The following TERB1 variants were observed in gnomAD, a reference collection of about 807,000 sequenced individuals.
TERB1 encodes telomere repeat binding bouquet formation protein 1.
Under a neutral mutation model 92.3 loss-of-function variants are expected in TERB1, and 63 were observed. The observed-to-expected ratio is 0.68, with a 90% CI of 0.56 to 0.84. The LOEUF is 0.84. TERB1 is among the 40% of genes least tolerant of loss of function. The pLI is 0.00. For missense variants in TERB1, 709 were observed against 843.7 expected, an observed-to-expected ratio of 0.84 and a Z score of 1.98; for synonymous variants, 252 against 283.9, an observed-to-expected ratio of 0.89 and a Z score of 1.13.
chr16:66,776,992 G>C (rs1373934536), intron 11 of TERB1, among the ~76,000 whole-genome samples: 1 of 151,966 alleles, frequency 6.6e-6, no homozygotes, highest in African/African-American at 2.4e-5. Context: ...GATCAAGAGG[G>C]GTAAACAGAA....
chr16:66,793,517 C>T (rs2018872943), intron 3 of TERB1, among the ~76,000 whole-genome samples: 1 of 151,320 alleles, frequency 6.6e-6, no homozygotes, highest in African/African-American at 2.4e-5. Context: ...TGCACCCGGA[C>T]TGGTTTTTTT....
intron 5 of TERB1, among the ~76,000 whole-genome samples, chr16:66,788,833 TTCATCCA>T: frequency 6.6e-6 from 1 of 151,892 alleles, no homozygotes; most frequent in Non-Finnish European, 1.5e-5. Context: ...CAATCAACGT[TTCATCCA>T]GTTCCTAGAA....
intron 16 of TERB1, among the ~76,000 whole-genome samples, chr16:66,765,174 A>C (rs1051769942): frequency 3.3e-5 from 5 of 152,210 alleles, no homozygotes; most frequent in Non-Finnish European, 7.3e-5. Context: ...AATGAATGGT[A>C]ACTAGGGGAG....
At chr16:66,777,773 C>A (rs2018572932) in intron 10 of TERB1, among the ~76,000 whole-genome samples, 1 of 152,190 alleles carries the variant, frequency 6.6e-6, no homozygotes, top group Non-Finnish European at 1.5e-5. Context: ...ACACTATTAA[C>A]TGACCACAGT....
At chr16:66,799,184 A>T (rs1053292139) in intron 2 of TERB1, among the ~76,000 whole-genome samples, 1 of 152,170 alleles carries the variant, frequency 6.6e-6, no homozygotes, top group Non-Finnish European at 1.5e-5. Context: ...TTAATTATCC[A>T]ATCTATTCTG....
intron 3 of TERB1, among the ~76,000 whole-genome samples, chr16:66,793,652 C>T (rs1241843143): frequency 1.3e-5 from 2 of 152,148 alleles, no homozygotes; most frequent in African/African-American, 2.4e-5. Flanking sequence ...GCTGGGATTA[C>T]AGGTGTGCAC....
At chr16:66,775,489 C>G (rs2018531168) in intron 11 of TERB1, among the ~76,000 whole-genome samples, 1 of 151,872 alleles carries the variant, frequency 6.6e-6, no homozygotes. Flanking sequence ...CAAAAATTAG[C>G]CAGGCATGGT....
intron 16 of TERB1, among the ~76,000 whole-genome samples, chr16:66,766,243 A>C (rs914829420): frequency 1.1e-4 from 17 of 152,132 alleles, no homozygotes; most frequent in Non-Finnish European, 2.2e-4. Flanking sequence ...AATAGAATGG[A>C]AGTGAAGAGA....
intron 5 of TERB1, among the ~76,000 whole-genome samples, chr16:66,788,732 C>G (rs891243435): frequency 1.8e-4 from 28 of 152,114 alleles, no homozygotes; most frequent in African/African-American, 6.3e-4. Flanking sequence ...AAATAAAACT[C>G]TTTTCAAAAA....
At chr16:66,778,600 TAG>T (rs2018586624) in intron 10 of TERB1, among the ~76,000 whole-genome samples, 1 of 151,774 alleles carries the variant, frequency 6.6e-6, no homozygotes, top group South Asian at 2.1e-4. Flanking sequence ...GTATTTTTAG[TAG>T]AGATTAGGTT....
chr16:66,787,869 T>C (rs1476616389), intron 6 of TERB1, among the ~76,000 whole-genome samples: 1 of 152,210 alleles, frequency 6.6e-6, no homozygotes, highest in Non-Finnish European at 1.5e-5. Flanking sequence ...GAGACCAGCC[T>C]GGCCAACATG....
At chr16:66,784,320 G>T (rs1005116766) in intron 9 of TERB1, among the ~76,000 whole-genome samples, 12 of 150,788 alleles carry the variant, frequency 8.0e-5, no homozygotes, top group African/African-American at 1.2e-4. Context: ...AGCTAATATG[G>T]TTTTTTTGGG....
At chr16:66,774,320 G>A (rs1326849394) in intron 12 of TERB1, among the ~76,000 whole-genome samples, 1 of 151,782 alleles carries the variant, frequency 6.6e-6, no homozygotes, top group Non-Finnish European at 1.5e-5. Context: ...CGAGTAGCTG[G>A]GACTACAGGC....
chr16:66,785,021 C>CTTTTTT (rs76944260), intron 9 of TERB1, among the ~76,000 whole-genome samples: 1 of 118,264 alleles, frequency 8.5e-6, no homozygotes. Flanking sequence ...CTGCGTCTGG[C>CTTTTTT]TTTTTTTTTT....
intron 9 of TERB1, among the ~76,000 whole-genome samples, chr16:66,783,669 T>C (rs1394782016): frequency 3.9e-5 from 6 of 152,228 alleles, no homozygotes; most frequent in Admixed American, 2.0e-4. Context: ...AATTCGCCAA[T>C]GTAACCATTA....
intron 12 of TERB1, among the ~76,000 whole-genome samples, chr16:66,774,142 A>C (rs2018501391): frequency 6.7e-6 from 1 of 148,508 alleles, no homozygotes; most frequent in Non-Finnish European, 1.5e-5. Flanking sequence ...AGGCCTCCGA[A>C]AGTGCTGGGA....
At chr16:66,788,334 G>A in intron 5 of TERB1, 37 bp from the exon 6 acceptor site, 2 of 1,437,482 alleles carry the variant, frequency 1.4e-6, no homozygotes, top group Non-Finnish European at 1.8e-6. Context: ...TCAATGCATT[G>A]TCACAAACAT....
intron 16 of TERB1, among the ~76,000 whole-genome samples, chr16:66,762,346 C>T (rs555895359): frequency 6.6e-6 from 1 of 152,284 alleles, no homozygotes; most frequent in East Asian, 1.9e-4. Flanking sequence ...TCTGTAAATA[C>T]TTCACATGCA....
At chr16:66,801,729 C>T (rs911333333), upstream of TERB1, 3 of 152,224 alleles carry the variant, frequency 2.0e-5, no homozygotes, top group Non-Finnish European at 4.4e-5. Context: ...GTCCCGGCCG[C>T]AAGATTTTTT....
Sources: gnomAD v4.1 joint callset for allele counts (sites outside exome capture counted in the v4.1 genomes callset) on GRCh38, gnomAD v4.1.1 for gene constraint, MANE v1.5 for transcripts, NCBI Gene and HGNC (gene_info 2026-07-23, HGNC 2026-07-21) for gene names.